Variants in FNDC3B observed in about 807,000 individuals in gnomAD.
FNDC3B encodes the protein fibronectin type III domain-containing protein 3B.
FNDC3B carries 12 observed loss-of-function variants against 151.5 expected under a neutral mutation model. The observed-to-expected ratio is 0.08, with a 90% CI of 0.05 to 0.13. The LOEUF is 0.13. Among genes scored for constraint, FNDC3B ranks in the 10% least tolerant of loss-of-function variants. The probability of loss-of-function intolerance (pLI) is 1.00; values close to 1 mark genes in which losing one functional copy is unlikely to be tolerated. For missense variants in FNDC3B, 1,214 were observed against 1,505.3 expected (o/e 0.81, Z 3.20); for synonymous variants, 528 against 549.0 (o/e 0.96, Z 0.54).
intron 6 of FNDC3B, among the ~76,000 whole-genome samples, chr3:172,280,375 TTTC>T (rs1729645856): frequency 2.6e-5 from 4 of 152,370 alleles, no homozygotes; most frequent in African/African-American, 9.6e-5. Flanking sequence ...GTTTGTTTGT[TTTC>T]ATATTGATTG....
intron 16 of FNDC3B, among the ~76,000 whole-genome samples, chr3:172,338,683 A>G (rs1733117994): frequency 1.3e-5 from 2 of 152,210 alleles, no homozygotes; most frequent in South Asian, 4.1e-4. Context: ...TAAATGACAT[A>G]TCATCTCACC....
intron 25 of FNDC3B, among the ~76,000 whole-genome samples, chr3:172,391,298 C>T (rs1246176561): frequency 1.3e-5 from 2 of 152,178 alleles, no homozygotes; most frequent in African/African-American, 4.8e-5. Context: ...CATCCATTTT[C>T]TTGACTGATC....
chr3:172,376,480 C>G (rs1215837496), intron 23 of FNDC3B, among the ~76,000 whole-genome samples: 1 of 152,212 alleles, frequency 6.6e-6, no homozygotes, highest in African/African-American at 2.4e-5. Context: ...AACACTTTCA[C>G]TACTTAAACC....
chr3:172,198,663 G>T (rs1407334563), intron 3 of FNDC3B, among the ~76,000 whole-genome samples: 1 of 152,044 alleles, frequency 6.6e-6, no homozygotes, highest in Non-Finnish European at 1.5e-5. Context: ...TTTCCACATT[G>T]CATAACAGGC....
intron 6 of FNDC3B, among the ~76,000 whole-genome samples, chr3:172,252,294 A>T (rs946563226): frequency 4.6e-5 from 7 of 152,140 alleles, no homozygotes; most frequent in Non-Finnish European, 8.8e-5. Flanking sequence ...GAGGCAAAAA[A>T]GGTAGCATTT....
intron 4 of FNDC3B, among the ~76,000 whole-genome samples, chr3:172,243,935 C>A: frequency 6.6e-6 from 1 of 152,174 alleles, no homozygotes; most frequent in East Asian, 1.9e-4. Flanking sequence ...TTTTCCAAGG[C>A]TCTATGCTTC....
At position 172,195,964 on chromosome 3, in the gene FNDC3B, A is replaced by G. The variant is rs147511229; in HGVS notation, c.188-30907A>G. Among the ~76,000 whole-genome samples the G allele has an allele frequency of 3.5e-3, 538 of 152,352 alleles. 3 individuals carry two copies. The highest frequency in any genetic ancestry group is 0.012 in the African/African-American group (511 of 41,576). ...AGAGTTGTGTGGATTAAATGAGATTATATGAAATGCTTAGCATAATTTCTG... is the reference window on the plus strand; with the variant it reads ...AGAGTTGTGTGGATTAAATGAGATTGTATGAAATGCTTAGCATAATTTCTG... On this transcript the variant is annotated intron_variant, in intron 3 of 25. Coordinates refer to ENST00000415807, the MANE Select transcript of FNDC3B (RefSeq NM_022763.4).
intron 11 of FNDC3B, among the ~76,000 whole-genome samples, chr3:172,324,037 G>A (rs889778955): frequency 1.3e-5 from 2 of 152,182 alleles, no homozygotes; most frequent in African/African-American, 4.8e-5. Context: ...CCAGCTTAGG[G>A]CAGGTGAACT....
At chr3:172,140,883 A>G (rs1471877312) in intron 3 of FNDC3B, among the ~76,000 whole-genome samples, 1 of 152,208 alleles carries the variant, frequency 6.6e-6, no homozygotes, top group Non-Finnish European at 1.5e-5. Flanking sequence ...TAAGAACGGA[A>G]TGTTAAACCC....
intron 3 of FNDC3B, among the ~76,000 whole-genome samples, chr3:172,226,559 G>T (rs1208222674): frequency 6.6e-6 from 1 of 151,972 alleles, no homozygotes; most frequent in Non-Finnish European, 1.5e-5. Context: ...GAAACTTTTT[G>T]CCCCACTCTG....
chr3:172,195,574 A>G (rs1321129369), intron 3 of FNDC3B, among the ~76,000 whole-genome samples: 1 of 152,238 alleles, frequency 6.6e-6, no homozygotes, highest in Non-Finnish European at 1.5e-5. Context: ...GCTCTCTTCC[A>G]CATTGTTTTC....
chr3:172,073,906 T>C (rs947614331), intron 1 of FNDC3B, among the ~76,000 whole-genome samples: 3 of 152,098 alleles, frequency 2.0e-5, no homozygotes, highest in African/African-American at 7.2e-5. Context: ...TCTTGTGCTT[T>C]TTCTCCCCTG....
At chr3:172,170,053 T>TG (rs969037076) in intron 3 of FNDC3B, among the ~76,000 whole-genome samples, 23 of 152,002 alleles carry the variant, frequency 1.5e-4, no homozygotes, top group Non-Finnish European at 3.2e-4. Flanking sequence ...AATCTATTTT[T>TG]TTTGTTTGTT....
intron 24 of FNDC3B, among the ~76,000 whole-genome samples, chr3:172,380,614 A>G (rs1735388249): frequency 6.6e-6 from 1 of 152,190 alleles, no homozygotes; most frequent in Non-Finnish European, 1.5e-5. Context: ...TCTTGAAAAC[A>G]GGGTTTACCT....
chr3:172,378,267 T>C lies in FNDC3B; in HGVS notation c.3009-3T>C, dbSNP rs1483526438. 1 of 1,574,670 alleles carries C rather than the reference T, an allele frequency of 6.4e-7. No homozygotes were observed. ...GGCTAATTGATTCTGCTCCTTCTTC[T>C]AGGTTTATTTCAATCTACAGAGGAC... On this transcript the variant is annotated splice_polypyrimidine_tract_variant and splice_region_variant and intron_variant, in intron 23 of 25. Transcript: ENST00000415807.
intron 21 of FNDC3B, among the ~76,000 whole-genome samples, chr3:172,351,778 C>T (rs1334131072): frequency 6.6e-6 from 1 of 152,092 alleles, no homozygotes; most frequent in Non-Finnish European, 1.5e-5. Flanking sequence ...CCAGAGATGA[C>T]TTAATTATGA....
Position 172,352,689 on chromosome 3 carries a change from C to T in FNDC3B, c.2515-114C>T, listed in dbSNP as rs1733913838. On this transcript the variant is annotated intron_variant, in intron 21 of 25. Transcript: ENST00000415807. This position sits in a 1 kb window ranked among gnomAD's most constrained non-coding sequence, Gnocchi z 4.2. ...GACATTTTCTAGGATTTATTTCTAC[C>T]TGCATATGTGGAAATGTGTACTACT... 1 of 1,027,282 alleles carries T rather than the reference C, an allele frequency of 9.7e-7. No individual in the cohort carries two copies. The highest frequency in any genetic ancestry group is 1.4e-6 in the Non-Finnish European group (1 of 712,184). 63.6% of individuals were successfully genotyped at this position (1,027,282 alleles called of 1,614,324 possible). A position where few individuals can be genotyped will look rare whatever the true frequency, so the allele number is the denominator to read the frequency against.
At chr3:172,095,738 A>G (rs959938882) in intron 1 of FNDC3B, among the ~76,000 whole-genome samples, 2 of 152,236 alleles carry the variant, frequency 1.3e-5, no homozygotes, top group Admixed American at 1.3e-4. Flanking sequence ...TACTTTATCA[A>G]AATCACTATG....
chr3:172,200,237 G>C (rs1274515125), intron 3 of FNDC3B, among the ~76,000 whole-genome samples: 2 of 152,194 alleles, frequency 1.3e-5, no homozygotes, highest in African/African-American at 2.4e-5. Context: ...GGAAACTGGA[G>C]TACCTAGAGA....
Sources: gnomAD v4.1 joint callset for allele counts (sites outside exome capture counted in the v4.1 genomes callset) on GRCh38, gnomAD v4.1.1 for gene constraint, Gnocchi (gnomAD v3.1) non-coding constraint, MANE v1.5 for transcripts, NCBI Gene and HGNC (gene_info 2026-07-23, HGNC 2026-07-21) for gene names.